The following FHOD3 variants were observed in gnomAD, a reference collection of about 807,000 sequenced individuals.
FHOD3 encodes the protein formin homology 2 domain containing 3, also known as FH1/FH2 domain-containing protein 3.
In FHOD3, 90 loss-of-function variants were observed where a neutral mutation model predicts 173.0. The ratio of observed to expected loss-of-function variants is 0.52; its 90% confidence interval spans 0.44 to 0.62. The LOEUF is 0.62. Ranked by LOEUF, FHOD3 falls within the 20% of genes least tolerant of loss-of-function variation. FHOD3 has a pLI of 0.00. For missense variants in FHOD3, 1,945 were observed against 2,034.7 expected (o/e 0.96, Z 0.85); for synonymous variants, 828 against 823.0 (o/e 1.01, Z -0.10).
At chr18:36,531,686 A>C (rs1011943310) in intron 5 of FHOD3, among the ~76,000 whole-genome samples, 1 of 152,256 alleles carries the variant, frequency 6.6e-6, no homozygotes, top group Non-Finnish European at 1.5e-5. Context: ...CAGAAGTCAC[A>C]GGAACAGCTT....
At position 36,501,940 on chromosome 18, in the gene FHOD3, T is replaced by C; in HGVS notation, c.346T>C (p.Tyr116His). The change falls in exon 4 of 29, where the codon TAC becomes CAC. Residue 116 changes from tyrosine to histidine, a missense_variant. Tyr to His is a moderately conservative substitution (Grantham distance 83, BLOSUM62 2). Transcript: ENST00000590592. ...VRVHACIEKL[Y>H]NSSGRDLRRA... ...TTTATTCTTTATTTCAGAAAAACTA[T>C]ACAACTCCAGCGGACGAGATTTGAG... The C allele has an allele frequency of 1.9e-6, 3 of 1,601,840 alleles. No homozygotes were observed. The highest frequency in any genetic ancestry group is 2.6e-6 in the Non-Finnish European group (3 of 1,172,924).
chr18:36,462,337 G>A (rs747804168), intron 3 of FHOD3, among the ~76,000 whole-genome samples: 1 of 151,826 alleles, frequency 6.6e-6, no homozygotes, highest in Non-Finnish European at 1.5e-5. Context: ...TGGTTGGTTG[G>A]TTGGTTGTTT....
At chr18:36,677,712 G>A (rs1426717436) in intron 14 of FHOD3, among the ~76,000 whole-genome samples, 1 of 152,080 alleles carries the variant, frequency 6.6e-6, no homozygotes, top group Non-Finnish European at 1.5e-5. Context: ...ACTCAAAATT[G>A]TCTTGGTTAT....
At chr18:36,486,529 A>G (rs754306533) in intron 3 of FHOD3, among the ~76,000 whole-genome samples, 2 of 152,188 alleles carry the variant, frequency 1.3e-5, no homozygotes, top group Non-Finnish European at 2.9e-5. Flanking sequence ...CCCCCAGCCC[A>G]AAGGATGTTT....
chr18:36,381,746 C>T (rs2047803271), intron 3 of FHOD3, among the ~76,000 whole-genome samples: 1 of 152,226 alleles, frequency 6.6e-6, no homozygotes, highest in Non-Finnish European at 1.5e-5. Context: ...AAGGTACTGA[C>T]AGTGTTTCTT....
intron 17 of FHOD3, among the ~76,000 whole-genome samples, chr18:36,707,449 T>C (rs1241774070): frequency 6.6e-6 from 1 of 152,178 alleles, no homozygotes; most frequent in Non-Finnish European, 1.5e-5. Flanking sequence ...AGGAGTGGGA[T>C]TTGGAAGTTG....
intron 28 of FHOD3, among the ~76,000 whole-genome samples, chr18:36,776,106 G>T (rs183266527): frequency 1.5e-4 from 23 of 152,216 alleles, no homozygotes; most frequent in South Asian, 2.1e-4. Context: ...TTCTGCTGTG[G>T]AAGTTTGCTG....
intron 17 of FHOD3, among the ~76,000 whole-genome samples, chr18:36,703,798 C>T (rs2039718011): frequency 6.6e-6 from 1 of 152,196 alleles, no homozygotes; most frequent in Non-Finnish European, 1.5e-5. Context: ...CATTTTGCGA[C>T]CTGCATGAGG....
At chr18:36,438,730 A>C (rs572377358) in intron 3 of FHOD3, among the ~76,000 whole-genome samples, 2 of 152,276 alleles carry the variant, frequency 1.3e-5, no homozygotes, top group Non-Finnish European at 2.9e-5. Flanking sequence ...GCCTCGGCTC[A>C]GGCCCTCTCA....
intron 17 of FHOD3, 122 bp from the exon 18 acceptor site, chr18:36,708,973 C>T (rs2040024193): frequency 1.6e-6 from 2 of 1,243,414 alleles, no homozygotes; most frequent in Non-Finnish European, 2.3e-6. Context: ...GCATAGGTCT[C>T]TTGGGGGCCA....
chr18:36,507,852 C>T (rs2055387718), intron 4 of FHOD3, among the ~76,000 whole-genome samples: 1 of 152,098 alleles, frequency 6.6e-6, no homozygotes, highest in Admixed American at 6.6e-5. Context: ...CAGCAGAAGG[C>T]CATGCTCACA....
At chr18:36,586,531 C>T (rs1023790200) in intron 6 of FHOD3, among the ~76,000 whole-genome samples, 16 of 151,468 alleles carry the variant, frequency 1.1e-4, no homozygotes, top group African/African-American at 3.6e-4. Flanking sequence ...GTCGCCCAGG[C>T]TGGAGTGCAG....
intron 10 of FHOD3, among the ~76,000 whole-genome samples, chr18:36,634,954 C>T (rs986243519): frequency 1.3e-5 from 2 of 152,174 alleles, no homozygotes; most frequent in African/African-American, 4.8e-5. Flanking sequence ...CAAGTAGCTA[C>T]TTGGGAAGAT....
chr18:36,681,301 G>T, intron 14 of FHOD3, 135 bp from the exon 15 acceptor site: 1 of 999,266 alleles, frequency 1.0e-6, no homozygotes. Flanking sequence ...AAGACCCGAG[G>T]CATTCAGTGA....
intron 3 of FHOD3, among the ~76,000 whole-genome samples, chr18:36,414,037 G>C (rs1280895406): frequency 6.6e-6 from 1 of 152,140 alleles, no homozygotes; most frequent in Non-Finnish European, 1.5e-5. Context: ...AAGGTTTACA[G>C]AAGAGTTTCA....
intron 3 of FHOD3, among the ~76,000 whole-genome samples, chr18:36,406,884 T>G (rs1384561110): frequency 1.3e-5 from 2 of 152,158 alleles, no homozygotes; most frequent in African/African-American, 2.4e-5. Context: ...ACGTCACCCA[T>G]CTGTCCACCT....
At chr18:36,329,401 C>A (rs1399932253) in intron 1 of FHOD3, among the ~76,000 whole-genome samples, 2 of 152,292 alleles carry the variant, frequency 1.3e-5, no homozygotes, top group African/African-American at 4.8e-5. Flanking sequence ...GCTCTTCCCA[C>A]CTGGAACCCA....
chr18:36,305,925 C>T (rs2092083116), intron 1 of FHOD3, among the ~76,000 whole-genome samples: 3 of 152,146 alleles, frequency 2.0e-5, no homozygotes, highest in South Asian at 4.1e-4. Context: ...TCAACCCTCC[C>T]AGAGTCAATG....
intron 10 of FHOD3, among the ~76,000 whole-genome samples, chr18:36,636,055 C>T (rs939013715): frequency 1.3e-5 from 2 of 152,158 alleles, no homozygotes; most frequent in African/African-American, 2.4e-5. Context: ...GGTTCAAGTT[C>T]CTAGTTGAAT....
Sources: allele counts gnomAD v4.1 joint callset (sites outside exome capture counted in the v4.1 genomes callset), GRCh38; gene constraint gnomAD v4.1.1; transcripts MANE v1.5; gene names NCBI Gene and HGNC (gene_info 2026-07-23, HGNC 2026-07-21).